Variants in SLC5A8 observed in about 807,000 individuals in gnomAD.
SLC5A8 encodes the protein solute carrier family 5 member 8.
In SLC5A8, 55 loss-of-function variants were observed where a neutral mutation model predicts 71.9. That is an observed-to-expected ratio of 0.77 (90% CI 0.62 to 0.96). SLC5A8 has a LOEUF of 0.96. Ranked by LOEUF, SLC5A8 falls within the 40% of genes least tolerant of loss-of-function variation. SLC5A8 has a pLI of 0.00. For synonymous variants in SLC5A8, 307 were observed against 276.1 expected, an observed-to-expected ratio of 1.11 and a Z score of -1.11; for missense variants, 701 against 745.3, an observed-to-expected ratio of 0.94 and a Z score of 0.69.
chr12:101,185,621 C>A (rs536354572), intron 7 of SLC5A8, among the ~76,000 whole-genome samples: 1 of 152,286 alleles, frequency 6.6e-6, no homozygotes, highest in Non-Finnish European at 1.5e-5. Context: ...CTCTCTCACC[C>A]AGGTTGGAGT....
rs545398787 is a variant in SLC5A8, at chr12:101,205,812, T to C, written c.352-1247A>G. Among the ~76,000 whole-genome samples the C allele has an allele frequency of 7.9e-5, 12 of 152,330 alleles. No homozygotes were observed. The East Asian group carries it at 1.7e-3, about 22-fold the overall frequency. ...ACATTTAAAACCTTTGATGCCAAAATCTGTGCACATTTTTCTGCATATATA... is the reference window on the plus strand; with the variant it reads ...ACATTTAAAACCTTTGATGCCAAAACCTGTGCACATTTTTCTGCATATATA... On this transcript the variant is annotated intron_variant, in intron 1 of 14. Coordinates refer to ENST00000536262, the MANE Select transcript of SLC5A8 (RefSeq NM_145913.5).
chr12:101,202,526 C>T (rs911091195), intron 2 of SLC5A8, among the ~76,000 whole-genome samples: 2 of 151,832 alleles, frequency 1.3e-5, no homozygotes, highest in Non-Finnish European at 2.9e-5. Flanking sequence ...AATAAAATTT[C>T]CTACATCTGA....
At position 101,209,766 on chromosome 12, in the gene SLC5A8, A is replaced by T. The variant is rs2137177510; in HGVS notation, c.83T>A (p.Ile28Asn). Residue 28 changes from isoleucine to asparagine, a missense_variant, in exon 1 of 15, where the codon ATC (isoleucine) becomes AAC (asparagine). Coordinates refer to ENST00000536262, the MANE Select transcript of SLC5A8 (RefSeq NM_145913.5). ...CCCAGCGAAGGCGTAGTAGATGCCGATGGCGGCCGAGATGACCAGCATGCC... is the reference window on the plus strand; with the variant it reads ...CCCAGCGAAGGCGTAGTAGATGCCGTTGGCGGCCGAGATGACCAGCATGCC... ...FAGMLVISAAIGIYYAFAGGG... is the reference protein window; with the variant it reads ...FAGMLVISAANGIYYAFAGGG... 1 of 1,611,306 alleles carries T rather than the reference A, an allele frequency of 6.2e-7. No individual in the cohort carries two copies. Among genetic ancestry groups the T allele is most frequent in the African/African-American group, 1.3e-5 (1 of 75,022 alleles).
chr12:101,177,768 A>C (rs2051894498), intron 10 of SLC5A8, among the ~76,000 whole-genome samples: 1 of 152,168 alleles, frequency 6.6e-6, no homozygotes, highest in Non-Finnish European at 1.5e-5. Flanking sequence ...GAAAACTCTC[A>C]GAAAAAAATA....
rs1261572452 is a variant in SLC5A8 at position 101,166,656 on chromosome 12, C to A, written c.1364G>T (p.Trp455Leu). 6.2e-7 allele frequency: 1 copy of A among 1,612,882 alleles called. No homozygotes were observed. The highest frequency in any genetic ancestry group is 1.3e-5 in the African/African-American group (1 of 74,858). ...GLMAGFAISL[W>L]VGIGAQIYPP... ...ATATATTTGAGCTCCAATTCCAACC[C>A]ATAGAGAAATGGCAAATCCAGCCAT... is the stretch of plus-strand genomic sequence containing the variant. The change falls in exon 12 of 15, where the codon TGG (tryptophan) becomes TTG (leucine). Residue 455 changes from tryptophan (W) to leucine (L), a missense_variant. By Grantham distance (61) the Trp-to-Leu change is moderately conservative. Coordinates refer to ENST00000536262, the MANE Select transcript of SLC5A8 (RefSeq NM_145913.5).
chr12:101,181,673 C>T (rs1404500391), intron 9 of SLC5A8, among the ~76,000 whole-genome samples: 2 of 152,146 alleles, frequency 1.3e-5, no homozygotes, highest in Non-Finnish European at 2.9e-5. Flanking sequence ...GTTTGTCTGG[C>T]TTCAAAAGCA....
intron 12 of SLC5A8, among the ~76,000 whole-genome samples, chr12:101,165,874 C>T (rs1346373888): frequency 6.6e-6 from 1 of 152,160 alleles, no homozygotes; most frequent in Non-Finnish European, 1.5e-5. Flanking sequence ...ACTTATATAT[C>T]CACTAAAGAA....
chr12:101,193,958 C>A (rs1869046532), intron 4 of SLC5A8, among the ~76,000 whole-genome samples, 179 bp from the exon 5 acceptor site: 1 of 152,128 alleles, frequency 6.6e-6, no homozygotes, highest in Non-Finnish European at 1.5e-5. Context: ...TAAATCAAGT[C>A]TTCAAACATA....
At chr12:101,168,276 C>A (rs930233567) in intron 10 of SLC5A8, 94 bp from the exon 11 acceptor site, 2 of 1,168,428 alleles carry the variant, frequency 1.7e-6, no homozygotes, top group East Asian at 2.7e-5. Context: ...TTAAAGTATT[C>A]GGCCTCCTTC....
chr12:101,168,912 A>G (rs1391939813), intron 10 of SLC5A8, among the ~76,000 whole-genome samples: 1 of 152,228 alleles, frequency 6.6e-6, no homozygotes, highest in Non-Finnish European at 1.5e-5. Flanking sequence ...TTGTCCAGAG[A>G]GTAAAGGGGT....
At chr12:101,176,868 C>A (rs1390070126) in intron 10 of SLC5A8, among the ~76,000 whole-genome samples, 1 of 151,822 alleles carries the variant, frequency 6.6e-6, no homozygotes, top group East Asian at 1.9e-4. Flanking sequence ...TAAGATCCCA[C>A]CTCGAAAACA....
At chr12:101,195,680 A>C (rs1296395176) in intron 3 of SLC5A8, among the ~76,000 whole-genome samples, 1 of 151,076 alleles carries the variant, frequency 6.6e-6, no homozygotes, top group African/African-American at 2.4e-5. Flanking sequence ...AATTTAATAA[A>C]GGTAATGGTA....
At chr12:101,197,223 A>G (rs1407639286) in intron 3 of SLC5A8, among the ~76,000 whole-genome samples, 1 of 152,200 alleles carries the variant, frequency 6.6e-6, no homozygotes, top group Admixed American at 6.5e-5. Flanking sequence ...GAGAAAGCAA[A>G]TAGTTGATAA....
intron 3 of SLC5A8, among the ~76,000 whole-genome samples, chr12:101,200,140 T>G (rs1869392763): frequency 6.8e-6 from 1 of 147,402 alleles, no homozygotes; most frequent in South Asian, 2.2e-4. Context: ...ATGAAAAGGC[T>G]CTATATGATT....
rs2051918866 is a variant in SLC5A8, at chr12:101,180,151, C to T, written c.1166-55G>A. The T allele has an allele frequency of 2.6e-6, 4 of 1,549,404 alleles. No homozygotes were observed. In the East Asian group the frequency reaches 9.0e-5, roughly 35 times the overall value. On this transcript the variant is annotated intron_variant, in intron 9 of 14. Coordinates refer to ENST00000536262, the MANE Select transcript of SLC5A8 (RefSeq NM_145913.5). ...AATCCACACCCAGAGAATTAGAATT[C>T]TCAATAGAATAATCCACCACACCTT... is the stretch of plus-strand genomic sequence containing the variant.
At chr12:101,191,433 AAGTGCTCTAATTGTATGTG>A (rs1868905001) in intron 5 of SLC5A8, among the ~76,000 whole-genome samples, 1 of 152,192 alleles carries the variant, frequency 6.6e-6, no homozygotes, top group Non-Finnish European at 1.5e-5. Flanking sequence ...GAGATCAGTT[AAGTGCTCTAATTGTATGTG>A]TATTCTGGCA....
intron 7 of SLC5A8, among the ~76,000 whole-genome samples, chr12:101,186,542 T>C (rs952020542): frequency 6.6e-6 from 1 of 152,194 alleles, no homozygotes; most frequent in East Asian, 1.9e-4. Flanking sequence ...GTTCCCCTTT[T>C]TGAAAGACAA....
At chr12:101,199,773 A>C (rs544905359) in intron 3 of SLC5A8, among the ~76,000 whole-genome samples, 10 of 151,834 alleles carry the variant, frequency 6.6e-5, no homozygotes, top group Non-Finnish European at 1.3e-4. Context: ...ACACATTTCT[A>C]TCCTCAGCTG....
intron 2 of SLC5A8, 25 bp downstream of exon 2, chr12:101,204,475 A>T: frequency 1.9e-6 from 3 of 1,569,016 alleles, no homozygotes; most frequent in Non-Finnish European, 2.6e-6. Flanking sequence ...CTGACAAAAG[A>T]TAAAATAAAT....
Sources: allele counts gnomAD v4.1 joint callset (sites outside exome capture counted in the v4.1 genomes callset), GRCh38; gene constraint gnomAD v4.1.1; transcripts MANE v1.5; gene names NCBI Gene and HGNC (gene_info 2026-07-23, HGNC 2026-07-21).